The following EIF4G2 variants were observed in gnomAD, a reference collection of about 807,000 sequenced individuals.
EIF4G2 encodes DAP-5.
A neutral mutation model predicts 117.7 loss-of-function variants in EIF4G2; 8 were observed. The observed-to-expected ratio is 0.07, with a 90% CI of 0.04 to 0.12. The LOEUF is 0.12. Among genes scored for constraint, EIF4G2 ranks in the 10% least tolerant of loss-of-function variants. The pLI, the probability that EIF4G2 is intolerant of heterozygous loss-of-function variation, is 1.00. For missense variants in EIF4G2, 812 were observed against 1,086.2 expected (o/e 0.75, Z 3.55); for synonymous variants, 413 against 367.8 (o/e 1.12, Z -1.41).
chr11:10,806,592 T>C (rs949378648), intron 3 of EIF4G2: 4 of 514,932 alleles, frequency 7.8e-6, no homozygotes, highest in African/African-American at 7.6e-5. Flanking sequence ...TTAGTAAAAA[T>C]AACCCAAAGA....
Position 10,803,353 on chromosome 11 carries a change from C to T in EIF4G2, c.814-59G>A, listed in dbSNP as rs1847479804. ...TAAAGCAAATGTGTTCAATTTACAGCTTTAAGACTTCTAAAATTATAACCC... is the reference window on the plus strand; with the variant it reads ...TAAAGCAAATGTGTTCAATTTACAGTTTTAAGACTTCTAAAATTATAACCC... On this transcript the variant is annotated intron_variant, in intron 9 of 21. Transcript: ENST00000339995. This position sits in a 1 kb window ranked among gnomAD's most constrained non-coding sequence, Gnocchi z 4.0. 1 of 1,587,702 alleles carries T rather than the reference C, an allele frequency of 6.3e-7. No individual in the cohort carries two copies. The highest frequency in any genetic ancestry group is 8.6e-7 in the Non-Finnish European group (1 of 1,160,912).
chr11:10,797,967 T>G lies in EIF4G2; in HGVS notation c.2659-86A>C. ...AGTTTTAGGTGGTACTACACAGTTT[T>G]AGAATATGAAACAAGGATATCCCTA... On this transcript the variant is annotated intron_variant, in intron 21 of 21. Coordinates refer to ENST00000339995, the MANE Select transcript of EIF4G2 (RefSeq NM_001418.4). The surrounding 1 kb of genome is among the most constrained non-coding windows in gnomAD (Gnocchi z 4.5). The G allele has an allele frequency of 8.2e-7, 1 of 1,221,372 alleles. No individual in the cohort carries two copies. The highest frequency in any genetic ancestry group is 1.2e-6 in the Non-Finnish European group (1 of 840,394). 75.7% of individuals were successfully genotyped at this position (1,221,372 alleles called of 1,614,324 possible).
intron 18 of EIF4G2, 28 bp downstream of exon 18, chr11:10,800,062 C>A (rs771175972): frequency 3.8e-5 from 60 of 1,599,570 alleles, no homozygotes; most frequent in Non-Finnish European, 5.0e-5. Flanking sequence ...ATTAAAAAAA[C>A]AAAACAAACA....
At chr11:10,801,118 A>T in intron 14 of EIF4G2, 31 bp from the exon 15 acceptor site, 1 of 1,612,706 alleles carries the variant, frequency 6.2e-7, no homozygotes. Context: ...TATCTAAATT[A>T]ACAACATGCA....
intron 4 of EIF4G2, 74 bp from the exon 5 acceptor site, chr11:10,805,089 A>G (rs956611120): frequency 1.7e-6 from 2 of 1,208,428 alleles, no homozygotes; most frequent in Non-Finnish European, 1.2e-6. Context: ...CTTTTAAATT[A>G]TACTGATTTT....
chr11:10,807,274 C>T lies in EIF4G2; in HGVS notation c.22G>A (p.Gly8Arg). ...AAGTACCTGAAACGAGAAGCACCCC[C>T]TTCTGCAATCGCACTCTCCACTTTG... The change falls in exon 2 of 22, where the codon GGG (glycine) becomes AGG (arginine). Residue 8 changes from glycine (G) to arginine (R), a missense_variant. Gly to Arg is a moderately radical substitution (Grantham distance 125). Coordinates refer to ENST00000339995, the MANE Select transcript of EIF4G2 (RefSeq NM_001418.4). 6.2e-7 allele frequency: 1 copy of T among 1,612,564 alleles called. No individual in the cohort carries two copies. Among genetic ancestry groups the T allele is most frequent in the Non-Finnish European group, 8.5e-7 (1 of 1,179,580 alleles).
chr11:10,808,411 G>C lies in EIF4G2; in HGVS notation c.-87+294C>G, dbSNP rs1267898938. 4 of 1,259,194 alleles carry C rather than the reference G, an allele frequency of 3.2e-6. No individual in the cohort carries two copies. The Admixed American group carries it at 1.0e-4, about 31-fold the overall frequency. The allele number at this position is 1,259,194 out of a possible 1,614,324, so 78.0% of individuals were successfully genotyped here. ...CGAGCCACGCTCCCTCGCCGTCCGA[G>C]CACAGCCGTGCCTCGGTCCGCCACG... On this transcript the variant is annotated intron_variant, in intron 1 of 21. Coordinates refer to ENST00000339995, the MANE Select transcript of EIF4G2 (RefSeq NM_001418.4).
chr11:10,799,428 G>T lies in EIF4G2; in HGVS notation c.2325-4C>A. The T allele has an allele frequency of 1.2e-6, 2 of 1,611,350 alleles. No individual in the cohort carries two copies. The highest frequency in any genetic ancestry group is 2.2e-5 in the East Asian group (1 of 44,880). Reference sequence around the variant, plus strand: ...ACTAGAAATGTACTGTAAGAAGCTGGACAGAAAGAGGTCTTGTTAGAACCC... The same window carrying T: ...ACTAGAAATGTACTGTAAGAAGCTGTACAGAAAGAGGTCTTGTTAGAACCC... On this transcript the variant is annotated splice_region_variant and splice_polypyrimidine_tract_variant and intron_variant, in intron 19 of 21. Coordinates refer to ENST00000339995, the MANE Select transcript of EIF4G2 (RefSeq NM_001418.4).
chr11:10,798,692 TCTTTA>T (rs1189854462), intron 21 of EIF4G2: 1 of 210,046 alleles, frequency 4.8e-6, no homozygotes, highest in African/African-American at 2.3e-5. Context: ...TACAATTTCC[TCTTTA>T]CTGATGTTTT....
At chr11:10,808,209 C>T (rs1482997114) in intron 1 of EIF4G2, 2 of 1,133,432 alleles carry the variant, frequency 1.8e-6, no homozygotes, top group African/African-American at 1.7e-5. Flanking sequence ...ACAAAAGGGG[C>T]AGAAATCATC....
At chr11:10,808,500 G>GT in intron 1 of EIF4G2, 1 of 1,239,710 alleles carries the variant, frequency 8.1e-7, no homozygotes, top group Non-Finnish European at 1.0e-6. Flanking sequence ...CAACACTGAC[G>GT]TTTTCCTTCT....
intron 18 of EIF4G2, 94 bp from the exon 19 acceptor site, chr11:10,799,850 AT>A: frequency 7.1e-7 from 1 of 1,412,494 alleles, no homozygotes; most frequent in South Asian, 1.4e-5. Flanking sequence ...GTCCCCAAGT[AT>A]GTAAGATCCA....
At position 10,803,395 on chromosome 11, in the gene EIF4G2, T is replaced by A. The variant is rs530249711; in HGVS notation, c.813+85A>T. 6.4e-7 allele frequency: 1 copy of A among 1,553,396 alleles called. No homozygotes were observed. The highest frequency in any genetic ancestry group is 8.9e-7 in the Non-Finnish European group (1 of 1,129,004). On this transcript the variant is annotated intron_variant, in intron 9 of 21. Transcript: ENST00000339995. This position sits in a 1 kb window ranked among gnomAD's most constrained non-coding sequence, Gnocchi z 4.0. ...TTATAACCCAGTTAATGGCTAAATATGGCAATCCCTTATGATGTCACAAAA... is the reference window on the plus strand; with the variant it reads ...TTATAACCCAGTTAATGGCTAAATAAGGCAATCCCTTATGATGTCACAAAA...
At chr11:10,804,738 T>C in intron 5 of EIF4G2, 175 bp downstream of exon 5, 1 of 626,866 alleles carries the variant, frequency 1.6e-6, no homozygotes, top group East Asian at 2.7e-5. Flanking sequence ...ACCTCTTCAA[T>C]CTAATGCTAC....
chr11:10,804,393 G>A lies in EIF4G2; in HGVS notation c.377C>T (p.Pro126Leu). 1 of 1,608,824 alleles carries A rather than the reference G, an allele frequency of 6.2e-7. No homozygotes were observed. The highest frequency in any genetic ancestry group is 1.1e-5 in the South Asian group (1 of 90,544). The change falls in exon 6 of 22, where the codon CCA becomes CTA. Residue 126 changes from proline (P) to leucine (L), a missense_variant. Around this residue, in one of 4 missense-constraint regions of EIF4G2, gnomAD observed 154 missense variants for 322.1 expected, o/e 0.48. Coordinates refer to ENST00000339995, the MANE Select transcript of EIF4G2 (RefSeq NM_001418.4). ...CTGAGCATACAGTGAGCTATACTTT[G>A]GCTCTTCTAGGGCTTTGTCCACAAT... is the stretch of plus-strand genomic sequence containing the variant.
rs147893651 is a variant in EIF4G2, at chr11:10,804,365, T to G, written c.405A>C (p.Leu135=). Residue 135 remains leucine, a synonymous_variant, in exon 6 of 22, where the codon CTA becomes CTC. Coordinates refer to ENST00000339995, the MANE Select transcript of EIF4G2 (RefSeq NM_001418.4). ...GTGCATCTTCTGCCAATCGCAGACATAGCTGAGCATACAGTGAGCTATACT... is the reference window on the plus strand; with the variant it reads ...GTGCATCTTCTGCCAATCGCAGACAGAGCTGAGCATACAGTGAGCTATACT... The G allele has an allele frequency of 6.2e-7, 1 of 1,614,024 alleles. No individual in the cohort carries two copies. The highest frequency in any genetic ancestry group is 1.3e-5 in the African/African-American group (1 of 74,942).
In EIF4G2 at chr11:10,797,640, A is replaced by C; in HGVS notation, c.*176T>G. On this transcript the variant is annotated 3_prime_UTR_variant, in exon 22 of 22. Transcript: ENST00000339995. This position sits in a 1 kb window ranked among gnomAD's most constrained non-coding sequence, Gnocchi z 4.5. ...CTAAAATATTTGATGGTAGACTATG[A>C]TTAAGACATTACACTACAAAAAAAC... 1 of 651,168 alleles carries C rather than the reference A, an allele frequency of 1.5e-6. No homozygotes were observed. Among genetic ancestry groups the C allele is most frequent in the South Asian group, 1.9e-5 (1 of 53,242 alleles). The allele number at this position is 651,168 out of a possible 1,614,324, so 40.3% of individuals were successfully genotyped here. A position where few individuals can be genotyped will look rare whatever the true frequency, so the allele number is the denominator to read the frequency against.
chr11:10,807,404 A>T (rs1564985993), intron 1 of EIF4G2, 23 bp from the exon 2 acceptor site: 1 of 1,584,220 alleles, frequency 6.3e-7, no homozygotes, highest in Non-Finnish European at 8.5e-7. Context: ...AGAGCACCAA[A>T]ATTAGACACT....
At position 10,803,785 on chromosome 11, in the gene EIF4G2, G is replaced by C; in HGVS notation, c.702+114C>G. ...CACGTATTTCAAATTATTCTGTTTA[G>C]TAAATTTTGTTGCACATCTGTATTT... On this transcript the variant is annotated intron_variant, in intron 8 of 21. Coordinates refer to ENST00000339995, the MANE Select transcript of EIF4G2 (RefSeq NM_001418.4). The surrounding 1 kb of genome is among the most constrained non-coding windows in gnomAD (Gnocchi z 4.0). 7.4e-7 allele frequency: 1 copy of C among 1,344,588 alleles called. No individual in the cohort carries two copies. The highest frequency in any genetic ancestry group is 1.0e-6 in the Non-Finnish European group (1 of 978,604). The allele number at this position is 1,344,588 out of a possible 1,614,324, so 83.3% of individuals were successfully genotyped here. A position where few individuals can be genotyped will look rare whatever the true frequency, so the allele number is the denominator to read the frequency against.
Sources: gnomAD v4.1 joint callset for allele counts on GRCh38, gnomAD v4.1.1 for gene constraint, gnomAD v4.1.1 regional missense constraint, Gnocchi (gnomAD v3.1) non-coding constraint, MANE v1.5 for transcripts, NCBI Gene and HGNC (gene_info 2026-07-23, HGNC 2026-07-21) for gene names.